CD177: variants seen among roughly 807,000 people sequenced by gnomAD.
CD177 encodes CD177 antigen.
A neutral mutation model predicts 38.1 loss-of-function variants in CD177; 41 were observed. The observed-to-expected ratio is 1.07, with a 90% CI of 0.84 to 1.39. The LOEUF is 1.39. CD177 is among the 40% of genes most tolerant of loss of function. The pLI is 0.00. For synonymous variants in CD177, 236 were observed against 216.7 expected, an observed-to-expected ratio of 1.09 and a Z score of -0.78; for missense variants, 619 against 523.8, an observed-to-expected ratio of 1.18 and a Z score of -1.77.
At position 43,355,974 on chromosome 19, in the gene CD177, C is replaced by T. The variant is rs780039669; in HGVS notation, c.503-18C>T. ...GGAGGCAGCATCACTGACTCTCCCT[C>T]GCTCCCCCTTTCTGCAGGAGGCATC... On this transcript the variant is annotated intron_variant, in intron 4 of 8. Transcript: ENST00000618265. 51 of 671,042 alleles carry T rather than the reference C, an allele frequency of 7.6e-5. No individual in the cohort carries two copies. Among genetic ancestry groups the T allele is most frequent in the African/African-American group, 7.1e-4 (39 of 54,564 alleles). The allele number at this position is 671,042 out of a possible 1,614,324, so 41.6% of individuals were successfully genotyped here.
intron 2 of CD177, 21 bp from the exon 3 acceptor site, chr19:43,354,186 T>C: frequency 6.2e-7 from 1 of 1,606,094 alleles, no homozygotes; most frequent in Non-Finnish European, 8.5e-7. Context: ...CATCCTCGCT[T>C]GCCTCCCTCT....
chr19:43,362,451 A>C lies in CD177; in HGVS notation c.*131A>C. ...CCATGAATCATCTTCCCCACACACA[A>C]TCATTCATATCTACTCACCTAACAG... On this transcript the variant is annotated 3_prime_UTR_variant, in exon 9 of 9. Transcript: ENST00000618265. 1 of 572,178 alleles carries C rather than the reference A, an allele frequency of 1.7e-6. No homozygotes were observed. The highest frequency in any genetic ancestry group is 2.9e-5 in the East Asian group (1 of 34,590). 35.4% of individuals were successfully genotyped at this position (572,178 alleles called of 1,614,324 possible).
At chr19:43,361,951 C>A (rs911914431) in intron 8 of CD177, 137 bp from the exon 9 acceptor site, 10 of 671,462 alleles carry the variant, frequency 1.5e-5, no homozygotes, top group Non-Finnish European at 2.3e-5. Context: ...GGGCCTGGAC[C>A]CCTGGGTCTG....
At chr19:43,355,249 G>C (rs966319302) in intron 3 of CD177, among the ~76,000 whole-genome samples, 1 of 150,972 alleles carries the variant, frequency 6.6e-6, no homozygotes, top group Non-Finnish European at 1.5e-5. Flanking sequence ...ACGTAGCAGG[G>C]ACTAGAGGAG....
intron 5 of CD177, 61 bp downstream of exon 5, chr19:43,356,169 G>A (rs1163516575): frequency 7.0e-6 from 3 of 428,790 alleles, no homozygotes; most frequent in African/African-American, 8.2e-5. Flanking sequence ...GACACATGGG[G>A]CATCCAGAGC....
chr19:43,355,163 G>A lies in CD177; in HGVS notation c.380-498G>A, dbSNP rs538276854. ...GCGTCTCGCTGTGTCGACCAGGCTGGAGTGCAGTGGCGCAATCTCGGCTCA... is the reference window on the plus strand; with the variant it reads ...GCGTCTCGCTGTGTCGACCAGGCTGAAGTGCAGTGGCGCAATCTCGGCTCA... On this transcript the variant is annotated intron_variant, in intron 3 of 8. Transcript: ENST00000618265. Among the ~76,000 whole-genome samples, 71 of 141,686 alleles carry A rather than the reference G, an allele frequency of 5.0e-4. 1 individual carries two copies. Among genetic ancestry groups the A allele is most frequent in the African/African-American group, 1.8e-3 (66 of 37,624 alleles). 93.0% of individuals were successfully genotyped at this position (141,686 alleles called of 152,430 possible). A position where few individuals can be genotyped will look rare whatever the true frequency, so the allele number is the denominator to read the frequency against.
In CD177 at chr19:43,354,017, G is replaced by C. The variant is rs771223359; in HGVS notation, c.193+24G>C. On this transcript the variant is annotated intron_variant, in intron 2 of 8. Coordinates refer to ENST00000618265, the MANE Select transcript of CD177 (RefSeq NM_020406.4). ...CGGTGAGAAGGCCCTGGCGTGCAGA[G>C]ACCCCGCCCTGTCCCCTCAGTCCCT... 1.9e-6 allele frequency: 3 copies of C among 1,607,960 alleles called. No individual in the cohort carries two copies. The Admixed American group carries it at 5.0e-5, about 27-fold the overall frequency.
chr19:43,359,752 C>T (rs1969933948), intron 5 of CD177, among the ~76,000 whole-genome samples: 1 of 94,098 alleles, frequency 1.1e-5, no homozygotes, highest in Non-Finnish European at 2.1e-5. Context: ...TGAGGCATCC[C>T]AGATAAGCTG....
At chr19:43,354,137 T>C in intron 2 of CD177, 70 bp from the exon 3 acceptor site, 1 of 1,569,788 alleles carries the variant, frequency 6.4e-7, no homozygotes, top group Admixed American at 1.8e-5. Context: ...CTACGCCGTG[T>C]AGCAGCGTCT....
downstream of CD177, among the ~76,000 whole-genome samples, chr19:43,363,435 C>G (rs547763435): frequency 6.6e-6 from 1 of 151,650 alleles, no homozygotes; most frequent in African/African-American, 2.4e-5. Context: ...GAGAGAGAGC[C>G]GGAGACAGAA....
chr19:43,361,424 C>T, intron 7 of CD177, 21 bp from the exon 8 acceptor site: 1 of 1,594,718 alleles, frequency 6.3e-7, no homozygotes, highest in East Asian at 2.2e-5. Context: ...CATGTACCCC[C>T]ACCTTCCCTC....
At chr19:43,354,101 G>C in intron 2 of CD177, 106 bp from the exon 3 acceptor site, 1 of 1,561,652 alleles carries the variant, frequency 6.4e-7, no homozygotes, top group African/African-American at 1.4e-5. Context: ...CTAGGGTCCC[G>C]GTGATCCCCT....
chr19:43,361,156 C>T lies in CD177; in HGVS notation c.774C>T (p.Thr258=). ...LLLLDVGLTS[T]LVGTKGCSTV... ...TCTCACCCTCAGGACTCACATCAACCCTGGTGGGGACAAAAGGCTGCAGCA... is the reference window on the plus strand; with the variant it reads ...TCTCACCCTCAGGACTCACATCAACTCTGGTGGGGACAAAAGGCTGCAGCA... Residue 258 remains threonine (T), a synonymous_variant, in exon 7 of 9, where the codon ACC becomes ACT. Transcript: ENST00000618265. The T allele has an allele frequency of 1.3e-6, 2 of 1,526,456 alleles. 1 individual carries two copies. Among genetic ancestry groups the T allele is most frequent in the South Asian group, 2.2e-5 (2 of 89,598 alleles). The allele number at this position is 1,526,456 out of a possible 1,614,324, so 94.6% of individuals were successfully genotyped here. A position where few individuals can be genotyped will look rare whatever the true frequency, so the allele number is the denominator to read the frequency against.
chr19:43,362,916 C>T lies in CD177; in HGVS notation c.*596C>T, dbSNP rs1376217999. The T allele has an allele frequency of 2.0e-5, 3 of 152,154 alleles. No individual in the cohort carries two copies. Among genetic ancestry groups the T allele is most frequent in the Non-Finnish European group, 2.9e-5 (2 of 68,064 alleles). The allele number at this position is 152,154 out of a possible 1,614,324, so 9.4% of individuals were successfully genotyped here. A position where few individuals can be genotyped will look rare whatever the true frequency, so the allele number is the denominator to read the frequency against. ...GCATTGCTTAACGACAGGGACGTGT[C>T]GTTAGAAATGTGTCGTTAGGTGATT... is the stretch of plus-strand genomic sequence containing the variant. On this transcript the variant is annotated 3_prime_UTR_variant, in exon 9 of 9. Coordinates refer to ENST00000618265, the MANE Select transcript of CD177 (RefSeq NM_020406.4).
intron 7 of CD177, 25 bp from the exon 8 acceptor site, chr19:43,361,420 C>T (rs1969961750): frequency 6.3e-7 from 1 of 1,594,536 alleles, no homozygotes; most frequent in Non-Finnish European, 8.6e-7. Flanking sequence ...AAGTCATGTA[C>T]CCCCACCTTC....
Position 43,353,995 on chromosome 19 carries a change from T to G in CD177, c.193+2T>G. 6.2e-7 allele frequency: 1 copy of G among 1,613,386 alleles called. No homozygotes were observed. Among genetic ancestry groups the G allele is most frequent in the Non-Finnish European group, 8.5e-7 (1 of 1,179,668 alleles). On this transcript the variant is annotated splice_donor_variant, in intron 2 of 8. Coordinates refer to ENST00000618265, the MANE Select transcript of CD177 (RefSeq NM_020406.4). LOFTEE classifies it high-confidence loss of function. ...ACACGTTGATGCTCATTGAGAGCGG[T>G]GAGAAGGCCCTGGCGTGCAGAGACC... is the stretch of plus-strand genomic sequence containing the variant.
intron 3 of CD177, among the ~76,000 whole-genome samples, chr19:43,355,104 CTTTT>C (rs1156547437): frequency 3.7e-5 from 1 of 26,826 alleles, no homozygotes; most frequent in Non-Finnish European, 6.6e-5. Context: ...CTTTTCTTTT[CTTTT>C]TTTTTTTTTT....
chr19:43,360,051 G>A (rs1342585345), intron 5 of CD177, among the ~76,000 whole-genome samples: 1 of 151,922 alleles, frequency 6.6e-6, no homozygotes, highest in Admixed American at 6.6e-5. Flanking sequence ...AGGGCTGTGA[G>A]AGGACGTCCC....
At position 43,355,692 on chromosome 19, in the gene CD177, G is replaced by A. The variant is rs144809107; in HGVS notation, c.411G>A (p.Leu137=). 4 of 1,612,894 alleles carry A rather than the reference G, an allele frequency of 2.5e-6. No individual in the cohort carries two copies. In the East Asian group the frequency reaches 6.7e-5, roughly 27 times the overall value. The change falls in exon 4 of 9, where the codon TTG becomes TTA. Residue 137 remains leucine, a synonymous_variant. Transcript: ENST00000618265. ...DPGSLRCPVC[L]SMEGCLEGTT... ...GATCCTTGAGGTGCCCAGTCTGCTT[G>A]TCTATGGAAGGCTGTCTGGAGGGGA...
Sources: allele counts gnomAD v4.1 joint callset (sites outside exome capture counted in the v4.1 genomes callset), GRCh38; gene constraint gnomAD v4.1.1; transcripts MANE v1.5; gene names NCBI Gene and HGNC (gene_info 2026-07-23, HGNC 2026-07-21).